ALK: variants seen among roughly 807,000 people sequenced by gnomAD.
ALK encodes the protein ALK tyrosine kinase receptor.
ALK carries 74 observed loss-of-function variants against 163.1 expected under a neutral mutation model. That is an observed-to-expected ratio of 0.45 (90% CI 0.38 to 0.55). The LOEUF is 0.55. Ranked by LOEUF, ALK falls within the 20% of genes least tolerant of loss-of-function variation. The pLI, the probability that ALK is intolerant of heterozygous loss-of-function variation, is 0.00. For missense variants in ALK, 2,063 were observed against 2,105.3 expected, an observed-to-expected ratio of 0.98 and a Z score of 0.39; for synonymous variants, 960 against 843.2, an observed-to-expected ratio of 1.14 and a Z score of -2.40.
At chr2:29,425,148 AG>A (rs1426635094) in intron 4 of ALK, among the ~76,000 whole-genome samples, 1 of 152,222 alleles carries the variant, frequency 6.6e-6, no homozygotes, top group Non-Finnish European at 1.5e-5. Context: ...AATTGTCCCA[AG>A]GGAATATAGC....
intron 1 of ALK, among the ~76,000 whole-genome samples, chr2:29,856,744 C>A (rs1666148370): frequency 6.6e-6 from 1 of 152,162 alleles, no homozygotes; most frequent in African/African-American, 2.4e-5. Flanking sequence ...AGTGGAGAAG[C>A]AACATGGGTG....
intron 3 of ALK, among the ~76,000 whole-genome samples, chr2:29,691,630 T>C (rs1241920474): frequency 6.6e-6 from 1 of 152,212 alleles, no homozygotes; most frequent in Admixed American, 6.5e-5. Context: ...AAGGCATTGA[T>C]ATGTTTCCAT....
At chr2:29,201,199 TCCAAGATCTCATACA>T (rs940393070) in intron 26 of ALK, among the ~76,000 whole-genome samples, 2 of 152,260 alleles carry the variant, frequency 1.3e-5, no homozygotes, top group African/African-American at 4.8e-5. Context: ...TCCAGTGGAT[TCCAAGATCTCATACA>T]CCAAGATCTC....
chr2:29,854,382 G>C (rs1200726100), intron 1 of ALK, among the ~76,000 whole-genome samples: 4 of 152,042 alleles, frequency 2.6e-5, no homozygotes, highest in Admixed American at 2.6e-4. Flanking sequence ...CACAAGAGCT[G>C]GTTGTTTAAA....
intron 4 of ALK, among the ~76,000 whole-genome samples, chr2:29,526,223 C>A (rs776354957): frequency 6.6e-6 from 1 of 152,112 alleles, no homozygotes; most frequent in African/African-American, 2.4e-5. Flanking sequence ...ACGACAACCC[C>A]GTGAGTGGCA....
At chr2:29,645,893 T>C (rs1037428693) in intron 3 of ALK, among the ~76,000 whole-genome samples, 6 of 152,178 alleles carry the variant, frequency 3.9e-5, no homozygotes, top group Non-Finnish European at 7.3e-5. Context: ...GATGCTAATA[T>C]TGGAGTTCCA....
At chr2:29,276,290 A>G (rs1430733636) in intron 9 of ALK, among the ~76,000 whole-genome samples, 1 of 152,196 alleles carries the variant, frequency 6.6e-6, no homozygotes, top group Non-Finnish European at 1.5e-5. Context: ...AAACCCATTA[A>G]GATATTGTTT....
At chr2:29,693,561 T>C (rs533297293) in intron 3 of ALK, among the ~76,000 whole-genome samples, 14 of 152,254 alleles carry the variant, frequency 9.2e-5, no homozygotes, top group South Asian at 8.3e-4. Flanking sequence ...GGAAAGTGTA[T>C]AGAAAGGAAA....
At position 29,772,113 on chromosome 2, in the gene ALK, G is replaced by T. The variant is rs371980714; in HGVS notation, c.668-54416C>A. Reference sequence around the variant, plus strand: ...CCACCCAGATGGGAGCAGGGAAGAGGGCTCCAGGAGAGATTTCTTGAAGAT... The same window carrying T: ...CCACCCAGATGGGAGCAGGGAAGAGTGCTCCAGGAGAGATTTCTTGAAGAT... On this transcript the variant is annotated intron_variant, in intron 1 of 28. Transcript: ENST00000389048. Among the ~76,000 whole-genome samples the T allele has an allele frequency of 1.1e-4, 16 of 152,294 alleles. No homozygotes were observed. In the East Asian group the frequency reaches 1.5e-3, roughly 15 times the overall value.
intron 1 of ALK, among the ~76,000 whole-genome samples, chr2:29,790,792 C>G (rs1031060781): frequency 6.6e-6 from 1 of 152,200 alleles, no homozygotes; most frequent in Non-Finnish European, 1.5e-5. Context: ...CCATGTTGGC[C>G]AGGATGGTCT....
At chr2:29,588,336 TTCTTGCG>T (rs1674948333) in intron 3 of ALK, among the ~76,000 whole-genome samples, 1 of 152,170 alleles carries the variant, frequency 6.6e-6, no homozygotes, top group African/African-American at 2.4e-5. Context: ...GTTCAAGCGA[TTCTTGCG>T]TCTCAGCCTC....
intron 9 of ALK, among the ~76,000 whole-genome samples, chr2:29,291,885 A>G (rs75817646): frequency 2.6e-5 from 4 of 152,200 alleles, no homozygotes; most frequent in Non-Finnish European, 5.9e-5. Flanking sequence ...GATGCTACAC[A>G]AAGGGAGAGT....
At chr2:29,430,912 A>G (rs916183600) in intron 4 of ALK, among the ~76,000 whole-genome samples, 1 of 152,162 alleles carries the variant, frequency 6.6e-6, no homozygotes, top group Non-Finnish European at 1.5e-5. Flanking sequence ...AGCCTGGTAC[A>G]GTATGTCAGC....
chr2:29,232,297 G>A lies in ALK; in HGVS notation c.2632+7C>T, dbSNP rs565599959. ...TTCTGGGAGAGGGCACGCTTGCAGC[G>A]CTTTACCTGCGGCTCCGGAATTGCC... On this transcript the variant is annotated splice_region_variant and intron_variant, in intron 15 of 28. Transcript: ENST00000389048. The A allele has an allele frequency of 9.3e-6, 15 of 1,614,056 alleles. No individual in the cohort carries two copies. The highest frequency in any genetic ancestry group is 2.2e-5 in the East Asian group (1 of 44,898).
intron 26 of ALK, among the ~76,000 whole-genome samples, chr2:29,203,190 C>G (rs1261303567): frequency 6.6e-6 from 1 of 152,136 alleles, no homozygotes; most frequent in African/African-American, 2.4e-5. Flanking sequence ...AAAACCAAAT[C>G]TCACTGGTGT....
intron 4 of ALK, among the ~76,000 whole-genome samples, chr2:29,459,988 C>T (rs1319346276): frequency 6.6e-6 from 1 of 152,128 alleles, no homozygotes; most frequent in Non-Finnish European, 1.5e-5. Flanking sequence ...CACTCCAAAT[C>T]TCTAAGCAAG....
rs75696967 is a variant in ALK, at chr2:29,605,678, C to T, written c.953-73562G>A. Among the ~76,000 whole-genome samples, 788 of 152,308 alleles carry T rather than the reference C, an allele frequency of 5.2e-3. 8 individuals carry two copies. Among genetic ancestry groups the T allele is most frequent in the African/African-American group, 0.017 (686 of 41,568 alleles). ...AAGAAGGCCCTCACCAGAAACCGGCCATGTGAGCACCCTGATCTTGAATGT... is the reference window on the plus strand; with the variant it reads ...AAGAAGGCCCTCACCAGAAACCGGCTATGTGAGCACCCTGATCTTGAATGT... On this transcript the variant is annotated intron_variant, in intron 3 of 28. Transcript: ENST00000389048.
intron 2 of ALK, among the ~76,000 whole-genome samples, chr2:29,703,630 C>T (rs1678812860): frequency 6.6e-6 from 1 of 152,168 alleles, no homozygotes; most frequent in South Asian, 2.1e-4. Context: ...AACACAGCTT[C>T]CTGTTCATCC....
At chr2:29,444,284 T>C (rs1310120198) in intron 4 of ALK, among the ~76,000 whole-genome samples, 3 of 152,162 alleles carry the variant, frequency 2.0e-5, no homozygotes, top group Non-Finnish European at 4.4e-5. Flanking sequence ...GAATGTGGAA[T>C]GATACTGGCT....
Sources: gnomAD v4.1 joint callset for allele counts (sites outside exome capture counted in the v4.1 genomes callset) on GRCh38, gnomAD v4.1.1 for gene constraint, MANE v1.5 for transcripts, NCBI Gene and HGNC (gene_info 2026-07-23, HGNC 2026-07-21) for gene names.